GK5: variants seen among roughly 807,000 people sequenced by gnomAD.
GK5 encodes the protein glycerol kinase 5.
In GK5, 39 loss-of-function variants were observed where a neutral mutation model predicts 77.3. That is an observed-to-expected ratio of 0.50 (90% confidence interval 0.39 to 0.66). The LOEUF (loss-of-function observed/expected upper bound fraction) is 0.66, where lower values mean the gene tolerates loss of function less well. Ranked by LOEUF, GK5 falls within the 30% of genes least tolerant of loss-of-function variation. The pLI is 0.00. For missense variants in GK5, 487 were observed against 633.8 expected (o/e 0.77, Z 2.49); for synonymous variants, 211 against 208.0 (o/e 1.01, Z -0.13).
At chr3:142,187,668 C>T (rs749912621) in intron 6 of GK5, 36 bp downstream of exon 6, 16 of 1,394,262 alleles carry the variant, frequency 1.1e-5, no homozygotes, top group Middle Eastern at 1.8e-4. Context: ...GATCAAATTT[C>T]GGTTATTTAA....
intron 3 of GK5, among the ~76,000 whole-genome samples, chr3:142,205,398 C>T (rs147976455): frequency 1.8e-3 from 280 of 152,352 alleles, no homozygotes; most frequent in African/African-American, 6.6e-3. Flanking sequence ...GCTTTCTACC[C>T]CAACTCCAGG....
intron 1 of GK5, among the ~76,000 whole-genome samples, chr3:142,224,199 A>G (rs1204879756): frequency 6.6e-6 from 1 of 152,104 alleles, no homozygotes. Context: ...GAGCCCAGGA[A>G]TTTCCAGACC....
chr3:142,181,001 C>G (rs1411538320), intron 11 of GK5, among the ~76,000 whole-genome samples: 1 of 152,180 alleles, frequency 6.6e-6, no homozygotes, highest in Admixed American at 6.5e-5. Flanking sequence ...AATAGCACTG[C>G]AAAAGCACTG....
intron 3 of GK5, among the ~76,000 whole-genome samples, chr3:142,207,020 C>T (rs2064118461): frequency 1.3e-5 from 2 of 152,140 alleles, no homozygotes; most frequent in Admixed American, 6.5e-5. Context: ...TACAAAATTG[C>T]ATGTAGGACT....
intron 15 of GK5, among the ~76,000 whole-genome samples, chr3:142,169,405 C>A (rs1014141066): frequency 6.6e-6 from 1 of 152,198 alleles, no homozygotes; most frequent in African/African-American, 2.4e-5. Flanking sequence ...CCTCCAGTAT[C>A]CTCCAGATGA....
rs777091139 is a variant in GK5, at chr3:142,170,298, T to C, written c.1441+27A>G. 6.8e-6 allele frequency: 11 copies of C among 1,611,602 alleles called. No individual in the cohort carries two copies. The East Asian group carries it at 8.9e-5, about 13-fold the overall frequency. On this transcript the variant is annotated intron_variant, in intron 15 of 15. Coordinates refer to ENST00000392993, the MANE Select transcript of GK5 (RefSeq NM_001039547.3). ...TGTAAGGAAGAGTTTGCAAGAAAAC[T>C]CTCATTCTTATAAATTTCACACATA... is the stretch of plus-strand genomic sequence containing the variant.
At position 142,186,281 on chromosome 3, in the gene GK5, C is replaced by T. The variant is rs761973419; in HGVS notation, c.682-14G>A. The T allele has an allele frequency of 3.9e-6, 6 of 1,550,832 alleles. No individual in the cohort carries two copies. The highest frequency in any genetic ancestry group is 5.3e-6 in the Non-Finnish European group (6 of 1,123,496). ...ACTCCAACACATCTGAGCATAAAAACGTATCATCAGAATATACATATTTAC... is the reference window on the plus strand; with the variant it reads ...ACTCCAACACATCTGAGCATAAAAATGTATCATCAGAATATACATATTTAC... On this transcript the variant is annotated splice_polypyrimidine_tract_variant and intron_variant, in intron 7 of 15. Coordinates refer to ENST00000392993, the MANE Select transcript of GK5 (RefSeq NM_001039547.3).
intron 3 of GK5, among the ~76,000 whole-genome samples, chr3:142,212,907 C>T (rs2064212414): frequency 6.7e-6 from 1 of 148,532 alleles, no homozygotes; most frequent in Non-Finnish European, 1.5e-5. Context: ...AATCTCGGCT[C>T]ACTGCAGGCT....
At chr3:142,212,824 A>ATTTTCATTTTTTT in intron 3 of GK5, among the ~76,000 whole-genome samples, 1 of 129,942 alleles carries the variant, frequency 7.7e-6, no homozygotes, top group South Asian at 2.3e-4. Flanking sequence ...ATAGACAAAT[A>ATTTTCATTTTTTT]TTTTCTTTTT....
chr3:142,172,801 T>C (rs544340209), intron 12 of GK5, among the ~76,000 whole-genome samples: 2 of 152,218 alleles, frequency 1.3e-5, no homozygotes, highest in Non-Finnish European at 2.9e-5. Flanking sequence ...TACACTAAAA[T>C]TGTTTAATAT....
chr3:142,172,589 A>G, intron 12 of GK5, 133 bp from the exon 13 acceptor site: 1 of 488,242 alleles, frequency 2.0e-6, no homozygotes, highest in South Asian at 5.6e-5. Context: ...TTTAAAATAA[A>G]AGATTATGGT....
At chr3:142,178,336 T>C (rs760536307) in intron 11 of GK5, among the ~76,000 whole-genome samples, 69 of 152,110 alleles carry the variant, frequency 4.5e-4, no homozygotes, top group Non-Finnish European at 7.2e-4. Context: ...ATAAGTTAAA[T>C]AAGGGGCCAG....
chr3:142,169,583 A>T (rs2063511149), intron 15 of GK5, among the ~76,000 whole-genome samples: 1 of 151,510 alleles, frequency 6.6e-6, no homozygotes, highest in Admixed American at 6.6e-5. Flanking sequence ...TTGAGCCTAA[A>T]TTCTCTCTCC....
At chr3:142,181,102 T>C (rs562436495) in intron 11 of GK5, among the ~76,000 whole-genome samples, 1 of 152,336 alleles carries the variant, frequency 6.6e-6, no homozygotes, top group East Asian at 1.9e-4. Context: ...CATTTGATCG[T>C]AAAATACCTG....
intron 10 of GK5, among the ~76,000 whole-genome samples, chr3:142,181,940 AG>A (rs1412002591): frequency 6.6e-6 from 1 of 152,256 alleles, no homozygotes; most frequent in Non-Finnish European, 1.5e-5. Flanking sequence ...GAGAAATAAA[AG>A]GGTACTATGA....
rs556347104 is a variant in GK5 at position 142,176,029 on chromosome 3, C to T, written c.1143+1453G>A. Among the ~76,000 whole-genome samples, 7 of 151,830 alleles carry T rather than the reference C, an allele frequency of 4.6e-5. No individual in the cohort carries two copies. The East Asian group carries it at 1.4e-3, about 29-fold the overall frequency. On this transcript the variant is annotated intron_variant, in intron 12 of 15. Coordinates refer to ENST00000392993, the MANE Select transcript of GK5 (RefSeq NM_001039547.3). ...GGACAATTATTCATCTAACCTTTTTCCTGAAATCTCAATTAGATAAAAAAT... is the reference window on the plus strand; with the variant it reads ...GGACAATTATTCATCTAACCTTTTTTCTGAAATCTCAATTAGATAAAAAAT...
chr3:142,182,934 T>C lies in GK5; in HGVS notation c.932A>G (p.Gln311Arg), dbSNP rs141864390. 1.7e-5 allele frequency: 28 copies of C among 1,608,268 alleles called. No individual in the cohort carries two copies. The African/African-American group carries it at 3.3e-4, about 19-fold the overall frequency. ...LDINTGNSLQ[Q>R]TTGGFYPLIG... ...TCCTAACTACTTACCTCCAGTAGTC[T>C]GTTGAAGGCTATTTCCAGTGTTAAT... Residue 311 changes from glutamine (Q) to arginine (R), a missense_variant, in exon 10 of 16, where the codon CAG becomes CGG. Around this residue, in one of 4 missense-constraint regions of GK5, gnomAD observed 323 missense variants for 437.4 expected, o/e 0.74. Transcript: ENST00000392993.
intron 2 of GK5, among the ~76,000 whole-genome samples, chr3:142,214,852 T>G (rs1207281275): frequency 6.6e-6 from 1 of 152,208 alleles, no homozygotes; most frequent in African/African-American, 2.4e-5. Flanking sequence ...AATACTCCTT[T>G]CCTATGGTTC....
chr3:142,166,035 T>C (rs2063469830), intron 15 of GK5, among the ~76,000 whole-genome samples: 1 of 152,248 alleles, frequency 6.6e-6, no homozygotes, highest in Non-Finnish European at 1.5e-5. Context: ...AGCTACCCTA[T>C]GCCATCATTT....
Sources: gnomAD v4.1 joint callset for allele counts (sites outside exome capture counted in the v4.1 genomes callset) on GRCh38, gnomAD v4.1.1 for gene constraint, gnomAD v4.1.1 regional missense constraint, MANE v1.5 for transcripts, NCBI Gene and HGNC (gene_info 2026-07-23, HGNC 2026-07-21) for gene names.